The following WSB1 variants were observed in gnomAD, a reference collection of about 807,000 sequenced individuals.
WSB1 encodes WD repeat and SOCS box-containing protein 1.
WSB1 carries 23 observed loss-of-function variants against 50.2 expected under a neutral mutation model. That is an observed-to-expected ratio of 0.46 (90% confidence interval 0.33 to 0.65). The LOEUF is 0.65. Ranked by LOEUF, WSB1 falls within the 30% of genes least tolerant of loss-of-function variation. The probability of loss-of-function intolerance (pLI) is 0.02; values close to 1 mark genes in which losing one functional copy is unlikely to be tolerated. For synonymous variants in WSB1, 179 were observed against 172.0 expected (o/e 1.04, Z -0.32); for missense variants, 492 against 522.3 (o/e 0.94, Z 0.56).
chr17:27,306,455 T>C (rs1362587176), intron 4 of WSB1, among the ~76,000 whole-genome samples: 1 of 152,042 alleles, frequency 6.6e-6, no homozygotes, highest in Non-Finnish European at 1.5e-5. Flanking sequence ...CCTCAAGCAG[T>C]CCACCTGCCT....
At chr17:27,297,562 G>A (rs1485638147) in intron 1 of WSB1, among the ~76,000 whole-genome samples, 1 of 151,652 alleles carries the variant, frequency 6.6e-6, no homozygotes, top group African/African-American at 2.4e-5. Flanking sequence ...CTGCCTCCTG[G>A]GCTCAAGCAA....
chr17:27,312,376 C>T lies in WSB1; in HGVS notation c.*7C>T, dbSNP rs753475794. On this transcript the variant is annotated 3_prime_UTR_variant, in exon 9 of 9. Transcript: ENST00000262394. ...TCTCTCGTATCGTATTTAGAAGATT[C>T]TGCCTTCCCTAGTAGTAGGGACTGA... 2 of 1,613,704 alleles carry T rather than the reference C, an allele frequency of 1.2e-6. No homozygotes were observed. The highest frequency in any genetic ancestry group is 1.7e-5 in the Admixed American group (1 of 59,846).
At chr17:27,295,695 A>G (rs139295906) in intron 1 of WSB1, among the ~76,000 whole-genome samples, 90 of 152,350 alleles carry the variant, frequency 5.9e-4, no homozygotes, top group African/African-American at 2.0e-3. Context: ...AAAGAACTCA[A>G]AAGTTCTTAT....
At chr17:27,298,563 T>G (rs2017087009) in intron 1 of WSB1, among the ~76,000 whole-genome samples, 2 of 151,618 alleles carry the variant, frequency 1.3e-5, no homozygotes, top group Non-Finnish European at 2.9e-5. Context: ...TATAAAAAAT[T>G]GTTTTTTTGC....
Position 27,309,119 on chromosome 17 carries a change from A to T in WSB1, c.731A>T (p.Asp244Val). 6.2e-7 allele frequency: 1 copy of T among 1,608,664 alleles called. No homozygotes were observed. The highest frequency in any genetic ancestry group is 8.5e-7 in the Non-Finnish European group (1 of 1,177,286). Residue 244 changes from aspartate (D) to valine (V), a missense_variant, in exon 6 of 9, where the codon GAT (aspartate) becomes GTT (valine). By Grantham distance (152) the Asp-to-Val change is radical. Coordinates refer to ENST00000262394, the MANE Select transcript of WSB1 (RefSeq NM_015626.10). ...ASKAVFLWNMDKYTMIRKLEG... is the reference protein window; with the variant it reads ...ASKAVFLWNMVKYTMIRKLEG... ...TTGCAGGTTTTCCTTTGGAATATGG[A>T]TAAATACACCATGATACGGAAACTA...
rs1334762882 is a variant in WSB1, at chr17:27,315,074, A to C, written c.*2705A>C. The C allele has an allele frequency of 2.0e-5, 3 of 150,596 alleles. No individual in the cohort carries two copies. Among genetic ancestry groups the C allele is most frequent in the African/African-American group, 7.5e-5 (3 of 39,922 alleles). The allele number at this position is 150,596 out of a possible 1,614,324, so 9.3% of individuals were successfully genotyped here. A position where few individuals can be genotyped will look rare whatever the true frequency, so the allele number is the denominator to read the frequency against. On this transcript the variant is annotated 3_prime_UTR_variant, in exon 9 of 9. Coordinates refer to ENST00000262394, the MANE Select transcript of WSB1 (RefSeq NM_015626.10). ...GTGTGAAAGGAAGATTGCAGCGTAT[A>C]TGTCAAGTAGAAACATGTTTGAATT...
At position 27,313,285 on chromosome 17, in the gene WSB1, A is replaced by T. The variant is rs1029070124; in HGVS notation, c.*916A>T. 6.6e-6 allele frequency: 1 copy of T among 151,290 alleles called. No individual in the cohort carries two copies. The allele number at this position is 151,290 out of a possible 1,614,324, so 9.4% of individuals were successfully genotyped here. A position where few individuals can be genotyped will look rare whatever the true frequency, so the allele number is the denominator to read the frequency against. ...TTTTTTTTTTACTCCCCCTCTAAAC[A>T]CTGCTGCTGCCTTAATTTTAGAAAG... On this transcript the variant is annotated 3_prime_UTR_variant, in exon 9 of 9. Coordinates refer to ENST00000262394, the MANE Select transcript of WSB1 (RefSeq NM_015626.10).
At chr17:27,302,071 T>A in intron 2 of WSB1, 115 bp downstream of exon 2, 1 of 1,256,918 alleles carries the variant, frequency 8.0e-7, no homozygotes, top group Non-Finnish European at 1.1e-6. Flanking sequence ...GATGATGTCG[T>A]GAGTTTTAAT....
chr17:27,300,668 A>T (rs980389604), intron 1 of WSB1, among the ~76,000 whole-genome samples: 1 of 151,794 alleles, frequency 6.6e-6, no homozygotes, highest in African/African-American at 2.4e-5. Context: ...TTTGAGAATC[A>T]CAAATATAAT....
intron 1 of WSB1, among the ~76,000 whole-genome samples, chr17:27,299,672 A>G (rs1258455378): frequency 6.6e-6 from 1 of 152,250 alleles, no homozygotes; most frequent in Non-Finnish European, 1.5e-5. Flanking sequence ...ACTAGAATTT[A>G]TCCAGAAAAG....
At position 27,313,451 on chromosome 17, in the gene WSB1, A is replaced by C. The variant is rs937320431; in HGVS notation, c.*1082A>C. ...AGACCATGGATTTAAAAAAAAAAAAAAAAACTCTGTTTCTGCAGGGGATGA... is the reference window on the plus strand; with the variant it reads ...AGACCATGGATTTAAAAAAAAAAAACAAAACTCTGTTTCTGCAGGGGATGA... On this transcript the variant is annotated 3_prime_UTR_variant, in exon 9 of 9. Transcript: ENST00000262394. The C allele has an allele frequency of 1.0e-4, 16 of 152,440 alleles. No homozygotes were observed. The highest frequency in any genetic ancestry group is 3.6e-4 in the African/African-American group (15 of 41,426). The allele number at this position is 152,440 out of a possible 1,614,324, so 9.4% of individuals were successfully genotyped here. A position where few individuals can be genotyped will look rare whatever the true frequency, so the allele number is the denominator to read the frequency against.
intron 3 of WSB1, among the ~76,000 whole-genome samples, chr17:27,304,391 A>G: frequency 6.6e-6 from 1 of 152,072 alleles, no homozygotes; most frequent in East Asian, 1.9e-4. Flanking sequence ...TAGGCCAGGG[A>G]AATAACAAGC....
chr17:27,311,635 T>G lies in WSB1; in HGVS notation c.1106+19T>G. On this transcript the variant is annotated intron_variant, in intron 8 of 8. Coordinates refer to ENST00000262394, the MANE Select transcript of WSB1 (RefSeq NM_015626.10). Reference sequence around the variant, plus strand: ...CTGCTGGGTAAATATATTTTTCTCTTTTTTTTTTTTTTTTTTTTTTTTTTG... The same window carrying G: ...CTGCTGGGTAAATATATTTTTCTCTGTTTTTTTTTTTTTTTTTTTTTTTTG... The G allele has an allele frequency of 2.1e-6, 1 of 478,080 alleles. No homozygotes were observed. The highest frequency in any genetic ancestry group is 2.9e-6 in the Non-Finnish European group (1 of 348,828). 29.6% of individuals were successfully genotyped at this position (478,080 alleles called of 1,614,324 possible). A position where few individuals can be genotyped will look rare whatever the true frequency, so the allele number is the denominator to read the frequency against.
intron 8 of WSB1, among the ~76,000 whole-genome samples, chr17:27,312,001 A>G (rs1417365933): frequency 2.6e-5 from 4 of 152,082 alleles, no homozygotes; most frequent in Admixed American, 2.6e-4. Context: ...GCAGCTAGTA[A>G]TTTATTGTCA....
Position 27,314,197 on chromosome 17 carries a change from A to G in WSB1, c.*1828A>G, listed in dbSNP as rs575669588. 1 of 152,350 alleles carries G rather than the reference A, an allele frequency of 6.6e-6. No homozygotes were observed. Among genetic ancestry groups the G allele is most frequent in the Non-Finnish European group, 1.5e-5 (1 of 68,032 alleles). 9.4% of individuals were successfully genotyped at this position (152,350 alleles called of 1,614,324 possible). A position where few individuals can be genotyped will look rare whatever the true frequency, so the allele number is the denominator to read the frequency against. On this transcript the variant is annotated 3_prime_UTR_variant, in exon 9 of 9. Coordinates refer to ENST00000262394, the MANE Select transcript of WSB1 (RefSeq NM_015626.10). The stretch of plus-strand genomic sequence containing the variant: ...AGGATCATCTGTATTTTACAAAAAG[A>G]AGCACAAGAAGCATCTAATCTTTAT...
chr17:27,306,355 G>A (rs182844499), intron 4 of WSB1, among the ~76,000 whole-genome samples: 2 of 152,014 alleles, frequency 1.3e-5, no homozygotes, highest in East Asian at 1.9e-4. Flanking sequence ...TAGGATTACC[G>A]GCATGCGCCA....
intron 1 of WSB1, among the ~76,000 whole-genome samples, chr17:27,298,607 C>G (rs2017090050): frequency 6.6e-6 from 1 of 152,028 alleles, no homozygotes; most frequent in African/African-American, 2.4e-5. Flanking sequence ...AATCTGAGCA[C>G]TTTGGGAGGC....
chr17:27,306,550 T>C (rs1027619475), intron 4 of WSB1, among the ~76,000 whole-genome samples: 4 of 152,154 alleles, frequency 2.6e-5, no homozygotes, highest in African/African-American at 9.7e-5. Context: ...TGTTGAATAT[T>C]TGAGGCTTGT....
In WSB1 at chr17:27,313,438, TAA is replaced by T. The variant is rs750489113; in HGVS notation, c.*1085_*1086del. On this transcript the variant is annotated 3_prime_UTR_variant, in exon 9 of 9. Coordinates refer to ENST00000262394, the MANE Select transcript of WSB1 (RefSeq NM_015626.10). ...GACAATTATTTTAAGACCATGGATT[TAA>T]AAAAAAAAAAAAAAACTCTGTTTCT... 1.7e-4 allele frequency: 22 copies of T among 132,470 alleles called. No homozygotes were observed. The highest frequency in any genetic ancestry group is 3.9e-4 in the Admixed American group (5 of 12,964). 8.2% of individuals were successfully genotyped at this position (132,470 alleles called of 1,614,324 possible).
Sources: gnomAD v4.1 joint callset for allele counts (sites outside exome capture counted in the v4.1 genomes callset) on GRCh38, gnomAD v4.1.1 for gene constraint, MANE v1.5 for transcripts, NCBI Gene and HGNC (gene_info 2026-07-23, HGNC 2026-07-21) for gene names.